PRR16: variants seen among roughly 807,000 people sequenced by gnomAD.
The protein encoded by PRR16 is proline rich 16, also known as protein Largen.
In PRR16, 6 loss-of-function variants were observed where a neutral mutation model predicts 18.2. The observed-to-expected ratio is 0.33, with a 90% CI of 0.18 to 0.65. The LOEUF is 0.65. PRR16 is among the 30% of genes least tolerant of loss of function. The probability of loss-of-function intolerance (pLI) is 0.74; values close to 1 mark genes in which losing one functional copy is unlikely to be tolerated. For missense variants in PRR16, 412 were observed against 376.6 expected, an observed-to-expected ratio of 1.09 and a Z score of -0.78; for synonymous variants, 151 against 147.8, an observed-to-expected ratio of 1.02 and a Z score of -0.16.
chr5:120,711,275 C>G, the PRR16 span, among the ~76,000 whole-genome samples: 2 of 152,112 alleles, frequency 1.3e-5, no homozygotes, highest in African/African-American at 4.8e-5. Flanking sequence ...ATCATTGTGC[C>G]TAACACAACT....
At chr5:120,781,004 C>T in the PRR16 span, among the ~76,000 whole-genome samples, 12 of 152,248 alleles carry the variant, frequency 7.9e-5, no homozygotes, top group Non-Finnish European at 1.6e-4. Flanking sequence ...GAGCCGAGAT[C>T]GCGCCACTGC....
intron 1 of PRR16, among the ~76,000 whole-genome samples, chr5:120,592,171 T>G (rs1268068455): frequency 6.6e-6 from 1 of 152,182 alleles, no homozygotes; most frequent in East Asian, 1.9e-4. Flanking sequence ...TACCCTTCCA[T>G]AAATTTTGCT....
the PRR16 span, among the ~76,000 whole-genome samples, chr5:120,739,540 T>C: frequency 6.6e-6 from 1 of 152,136 alleles, no homozygotes; most frequent in African/African-American, 2.4e-5. Context: ...AAAGGTAAAA[T>C]TGGGACCAAA....
intron 1 of PRR16, among the ~76,000 whole-genome samples, chr5:120,675,116 A>C: frequency 6.6e-6 from 1 of 152,148 alleles, no homozygotes; most frequent in Admixed American, 6.5e-5. Context: ...TTATTTCAAA[A>C]ATCTCACGAT....
the PRR16 span, among the ~76,000 whole-genome samples, chr5:120,741,921 C>A: frequency 6.6e-6 from 1 of 152,050 alleles, no homozygotes; most frequent in African/African-American, 2.4e-5. Context: ...TTTATAGATA[C>A]TATAAGATTT....
the PRR16 span, chr5:120,710,893 C>T: frequency 1.3e-5 from 2 of 151,954 alleles, no homozygotes; most frequent in African/African-American, 4.8e-5. Flanking sequence ...TTTCACTGGA[C>T]TAAAATCAAA....
chr5:120,482,045 T>G (rs1749634291), intron 1 of PRR16, among the ~76,000 whole-genome samples: 1 of 152,184 alleles, frequency 6.6e-6, no homozygotes, highest in Non-Finnish European at 1.5e-5. Context: ...TCCAATTTAG[T>G]ATGTTATACA....
intron 1 of PRR16, among the ~76,000 whole-genome samples, chr5:120,500,224 C>A (rs1189756566): frequency 6.6e-6 from 1 of 152,068 alleles, no homozygotes; most frequent in Non-Finnish European, 1.5e-5. Flanking sequence ...TTTCTCAAGC[C>A]TTATGATATT....
chr5:120,470,221 A>C (rs1319457044), intron 1 of PRR16, among the ~76,000 whole-genome samples: 1 of 152,186 alleles, frequency 6.6e-6, no homozygotes, highest in Non-Finnish European at 1.5e-5. Flanking sequence ...CTCTGATTGA[A>C]ATATACATGA....
intron 1 of PRR16, among the ~76,000 whole-genome samples, chr5:120,560,759 C>T (rs973201315): frequency 4.2e-5 from 6 of 141,806 alleles, no homozygotes; most frequent in South Asian, 2.2e-4. Context: ...GCTACTGGGT[C>T]CCACACTTTA....
At chr5:120,668,099 G>T (rs1756459937) in intron 1 of PRR16, among the ~76,000 whole-genome samples, 1 of 152,090 alleles carries the variant, frequency 6.6e-6, no homozygotes, top group African/African-American at 2.4e-5. Context: ...AAGTCTCTTT[G>T]TAGGTCACTC....
At chr5:120,785,575 G>GTTGTT in the PRR16 span, among the ~76,000 whole-genome samples, 1 of 115,394 alleles carries the variant, frequency 8.7e-6, no homozygotes, top group African/African-American at 3.4e-5. Context: ...TGTTGTTGTT[G>GTTGTT]TTTTTTTTTT....
At chr5:120,755,079 T>C in the PRR16 span, among the ~76,000 whole-genome samples, 2 of 151,426 alleles carry the variant, frequency 1.3e-5, no homozygotes, top group African/African-American at 2.4e-5. Flanking sequence ...TTAGGAGATA[T>C]ACCTAATGCT....
chr5:120,655,517 G>A (rs1299762481), intron 1 of PRR16, among the ~76,000 whole-genome samples: 1 of 151,168 alleles, frequency 6.6e-6, no homozygotes, highest in Non-Finnish European at 1.5e-5. Flanking sequence ...GAGAGGAAGT[G>A]TTAGAAGTAG....
chr5:120,776,018 T>C, the PRR16 span, among the ~76,000 whole-genome samples: 8 of 152,026 alleles, frequency 5.3e-5, no homozygotes, highest in Non-Finnish European at 2.9e-5. Context: ...ACTGTCTACA[T>C]GGTAACATCC....
At chr5:120,475,666 G>A (rs1301423346) in intron 1 of PRR16, among the ~76,000 whole-genome samples, 1 of 152,046 alleles carries the variant, frequency 6.6e-6, no homozygotes, top group Admixed American at 6.6e-5. Flanking sequence ...GAGCCCAGGA[G>A]TTCAAGGTTC....
intron 1 of PRR16, among the ~76,000 whole-genome samples, chr5:120,559,747 T>C (rs1385244700): frequency 2.0e-5 from 3 of 151,964 alleles, no homozygotes. Context: ...CTTCGGGTAG[T>C]ATGAACATTT....
chr5:120,576,017 A>T (rs1184352944), intron 1 of PRR16, among the ~76,000 whole-genome samples: 1 of 152,190 alleles, frequency 6.6e-6, no homozygotes, highest in Non-Finnish European at 1.5e-5. Context: ...ACCATATACA[A>T]AAATGAATTC....
At chr5:120,642,046 C>A (rs1361882326) in intron 1 of PRR16, among the ~76,000 whole-genome samples, 2 of 152,082 alleles carry the variant, frequency 1.3e-5, no homozygotes, top group Admixed American at 6.6e-5. Flanking sequence ...TACATCTAAT[C>A]AATCACCAAG....
Sources: gnomAD v4.1 joint callset for allele counts (sites outside exome capture counted in the v4.1 genomes callset) on GRCh38, gnomAD v4.1.1 for gene constraint, MANE v1.5 for transcripts, NCBI Gene and HGNC (gene_info 2026-07-23, HGNC 2026-07-21) for gene names.